The following OSBPL9 variants were observed in gnomAD, a reference collection of about 807,000 sequenced individuals.
OSBPL9 encodes oxysterol binding protein like 9.
OSBPL9 carries 40 observed loss-of-function variants against 106.6 expected under a neutral mutation model. That is an observed-to-expected ratio of 0.38 (90% CI 0.29 to 0.49). The LOEUF is 0.49. OSBPL9 is among the 20% of genes least tolerant of loss of function. OSBPL9 has a pLI of 0.97. For synonymous variants in OSBPL9, 269 were observed against 295.4 expected, an observed-to-expected ratio of 0.91 and a Z score of 0.92; for missense variants, 609 against 887.2, an observed-to-expected ratio of 0.69 and a Z score of 3.98.
chr1:51,640,830 C>T (rs1360531164), intron 1 of OSBPL9, among the ~76,000 whole-genome samples: 1 of 150,714 alleles, frequency 6.6e-6, no homozygotes, highest in Non-Finnish European at 1.5e-5. Context: ...CAGGCTCTCA[C>T]TCTGATGCCC....
At chr1:51,572,827 T>C (rs1420521708), upstream of OSBPL9, among the ~76,000 whole-genome samples, 1 of 152,122 alleles carries the variant, frequency 6.6e-6, no homozygotes, top group Non-Finnish European at 1.5e-5. Flanking sequence ...TTGTGGAGAG[T>C]TCATTCTTTT....
intron 3 of OSBPL9, among the ~76,000 whole-genome samples, chr1:51,710,201 G>A (rs1404890993): frequency 1.3e-5 from 2 of 152,298 alleles, no homozygotes; most frequent in Admixed American, 1.3e-4. Context: ...GGCAACTCCA[G>A]CTCAGACCTA....
rs78765446 is a variant in OSBPL9 at position 51,788,938 on chromosome 1, G to A, written c.*1149G>A. On this transcript the variant is annotated 3_prime_UTR_variant, in exon 24 of 24. Coordinates refer to ENST00000428468, the MANE Select transcript of OSBPL9 (RefSeq NM_024586.6). The stretch of plus-strand genomic sequence containing the variant: ...GTTAGTTATTCAATATACTGGTTAC[G>A]TAAGGCCTTTCAAGAAGTAGATTCT... Among the ~76,000 whole-genome samples, 507 of 152,120 alleles carry A rather than the reference G, an allele frequency of 3.3e-3. 2 individuals are homozygous for A. Among genetic ancestry groups the A allele is most frequent in the Non-Finnish European group, 5.8e-3 (396 of 68,006 alleles).
At chr1:51,645,010 A>G (rs910500947) in intron 1 of OSBPL9, among the ~76,000 whole-genome samples, 16 of 152,184 alleles carry the variant, frequency 1.1e-4, no homozygotes, top group Non-Finnish European at 1.9e-4. Context: ...GTGTTTAGGC[A>G]GTCCCCTTGT....
At chr1:51,530,969 G>A in the OSBPL9 span, among the ~76,000 whole-genome samples, 3 of 148,706 alleles carry the variant, frequency 2.0e-5, no homozygotes, top group Non-Finnish European at 3.0e-5. Context: ...GCGAGACTTT[G>A]TTGTAAAAAA....
At position 51,779,146 on chromosome 1, in the gene OSBPL9, C is replaced by T. The variant is rs549387821; in HGVS notation, c.1257-2018C>T. On this transcript the variant is annotated intron_variant, in intron 15 of 23. Coordinates refer to ENST00000428468, the MANE Select transcript of OSBPL9 (RefSeq NM_024586.6). ...AATATTCTGTTTTTTGATTAAGTGA[C>T]GATTAATTAAATAGATATATACGTT... Among the ~76,000 whole-genome samples, 60 of 151,966 alleles carry T rather than the reference C, an allele frequency of 3.9e-4. 1 individual carries two copies. The highest frequency in any genetic ancestry group is 1.8e-4 in the Non-Finnish European group (12 of 68,006).
chr1:51,656,832 A>C (rs960897796), intron 2 of OSBPL9, among the ~76,000 whole-genome samples: 3 of 145,250 alleles, frequency 2.1e-5, no homozygotes, highest in African/African-American at 7.6e-5. Flanking sequence ...GCTAATTAAA[A>C]TTTTTTTTTT....
At chr1:51,658,808 C>G (rs72898005) in intron 2 of OSBPL9, among the ~76,000 whole-genome samples, 5,008 of 151,870 alleles carry the variant, frequency 0.033, 159 homozygotes, top group Middle Eastern at 0.089. Context: ...TTAAGAATGT[C>G]TTCCTTTTTC....
intron 23 of OSBPL9, 62 bp from the exon 24 acceptor site, chr1:51,787,653 G>GT (rs1678025344): frequency 6.3e-7 from 1 of 1,595,568 alleles, no homozygotes; most frequent in Non-Finnish European, 8.6e-7. Context: ...ATATGAAATA[G>GT]TAAGTATATT....
intron 1 of OSBPL9, among the ~76,000 whole-genome samples, chr1:51,627,141 C>T (rs1644813885): frequency 2.6e-5 from 4 of 152,098 alleles, no homozygotes; most frequent in Non-Finnish European, 5.9e-5. Context: ...GTAGCTGGGA[C>T]TACAGGCTTG....
intron 12 of OSBPL9, among the ~76,000 whole-genome samples, chr1:51,769,778 G>A (rs1442176460): frequency 3.9e-5 from 6 of 152,048 alleles, no homozygotes; most frequent in African/African-American, 1.4e-4. Flanking sequence ...GTCTTACTGA[G>A]TATTTCACTT....
chr1:51,725,204 C>G (rs1210984114), intron 4 of OSBPL9, among the ~76,000 whole-genome samples: 1 of 151,300 alleles, frequency 6.6e-6, no homozygotes, highest in African/African-American at 2.4e-5. Flanking sequence ...TCAGCTTTGT[C>G]TAGTTTACTA....
At chr1:51,574,403 A>G (rs189150215), upstream of OSBPL9, among the ~76,000 whole-genome samples, 17 of 151,964 alleles carry the variant, frequency 1.1e-4, no homozygotes, top group African/African-American at 3.9e-4. Context: ...GCAGATCACA[A>G]GGTCAGGAGT....
In OSBPL9 at chr1:51,784,571, T is replaced by C. The variant is rs752848627; in HGVS notation, c.1818T>C (p.Thr606=). 6.2e-7 allele frequency: 1 copy of C among 1,614,078 alleles called. No individual in the cohort carries two copies. The highest frequency in any genetic ancestry group is 1.7e-5 in the Admixed American group (1 of 60,006). ...PFYGGKKHRI[T]AEIFSPNDKK... is the part of the protein sequence containing the mutation. ...ATGGGGGCAAGAAGCACAGAATTACTGCCGAGATTTTGTAGGTATTTTTTC... is the reference window on the plus strand; with the variant it reads ...ATGGGGGCAAGAAGCACAGAATTACCGCCGAGATTTTGTAGGTATTTTTTC... Residue 606 remains threonine (T), a synonymous_variant, in exon 20 of 24, where the codon ACT becomes ACC. Coordinates refer to ENST00000428468, the MANE Select transcript of OSBPL9 (RefSeq NM_024586.6).
In OSBPL9 at chr1:51,619,902, G is replaced by A. The variant is rs532966358; in HGVS notation, c.111+2681G>A. On this transcript the variant is annotated intron_variant, in intron 1 of 23. Coordinates refer to ENST00000428468, the MANE Select transcript of OSBPL9 (RefSeq NM_024586.6). Reference sequence around the variant, plus strand: ...GTTGTGTAGCCTTCCAAGCAAGGCAGTGAATAGCATAACTTTATTTCTTGT... The same window carrying A: ...GTTGTGTAGCCTTCCAAGCAAGGCAATGAATAGCATAACTTTATTTCTTGT... Among the ~76,000 whole-genome samples, 14 of 152,282 alleles carry A rather than the reference G, an allele frequency of 9.2e-5. 1 individual carries two copies. The South Asian group carries it at 2.9e-3, about 32-fold the overall frequency.
intron 2 of OSBPL9, among the ~76,000 whole-genome samples, chr1:51,668,891 T>C (rs1403768382): frequency 7.9e-5 from 12 of 152,208 alleles, no homozygotes; most frequent in African/African-American, 1.9e-4. Context: ...ATAATCACAG[T>C]ATACTGTGAA....
intron 12 of OSBPL9, 142 bp from the exon 13 acceptor site, chr1:51,771,928 G>C: frequency 1.7e-6 from 1 of 604,924 alleles, no homozygotes; most frequent in Non-Finnish European, 2.9e-6. Flanking sequence ...TGTGCATAAA[G>C]GATAAGACAA....
intron 1 of OSBPL9, among the ~76,000 whole-genome samples, chr1:51,623,023 C>T (rs987901178): frequency 2.6e-5 from 4 of 152,250 alleles, no homozygotes; most frequent in African/African-American, 9.6e-5. Context: ...ATGTGGCAGT[C>T]ATGGATGGCA....
chr1:51,759,109 T>C (rs562417298), intron 9 of OSBPL9, among the ~76,000 whole-genome samples: 1 of 151,138 alleles, frequency 6.6e-6, no homozygotes, highest in Admixed American at 6.6e-5. Flanking sequence ...AGTTTCTTAG[T>C]TGTTTTTTTT....
Sources: gnomAD v4.1 joint callset for allele counts (sites outside exome capture counted in the v4.1 genomes callset) on GRCh38, gnomAD v4.1.1 for gene constraint, MANE v1.5 for transcripts, NCBI Gene and HGNC (gene_info 2026-07-23, HGNC 2026-07-21) for gene names.